ADGRG6: variants seen among roughly 807,000 people sequenced by gnomAD.
ADGRG6 encodes G-protein coupled receptor 126.
A neutral mutation model predicts 142.4 loss-of-function variants in ADGRG6; 84 were observed. The observed-to-expected ratio is 0.59, with a 90% confidence interval of 0.49 to 0.71. ADGRG6 has a LOEUF of 0.71. Among genes scored for constraint, ADGRG6 ranks in the 30% least tolerant of loss-of-function variants. The pLI, the probability that ADGRG6 is intolerant of heterozygous loss-of-function variation, is 0.00. For missense variants in ADGRG6, 1,367 were observed against 1,466.6 expected (o/e 0.93, Z 1.11); for synonymous variants, 521 against 520.5 (o/e 1.00, Z -0.01).
intron 24 of ADGRG6, among the ~76,000 whole-genome samples, chr6:142,442,671 A>C (rs1447306895): frequency 6.6e-6 from 1 of 152,104 alleles, no homozygotes; most frequent in Non-Finnish European, 1.5e-5. Context: ...ACAATTAAAA[A>C]AATAATTCAC....
At chr6:142,425,691 A>G (rs1404963086) in intron 22 of ADGRG6, among the ~76,000 whole-genome samples, 3 of 152,162 alleles carry the variant, frequency 2.0e-5, no homozygotes, top group African/African-American at 4.8e-5. Context: ...CTGCTGTGGC[A>G]TCAGGGCATG....
At chr6:142,309,044 T>C (rs146475789) in intron 1 of ADGRG6, among the ~76,000 whole-genome samples, 1,561 of 151,922 alleles carry the variant, frequency 0.01, 34 homozygotes, top group African/African-American at 0.035. Context: ...TGTATCACTT[T>C]AGGGGATAGA....
chr6:142,349,679 A>G (rs1583020422), intron 2 of ADGRG6, among the ~76,000 whole-genome samples: 1 of 152,212 alleles, frequency 6.6e-6, no homozygotes, highest in African/African-American at 2.4e-5. Context: ...GCTATTGCAT[A>G]AGTCACTCTA....
At chr6:142,308,719 G>A (rs1290733447) in intron 1 of ADGRG6, among the ~76,000 whole-genome samples, 1 of 150,692 alleles carries the variant, frequency 6.6e-6, no homozygotes, top group Non-Finnish European at 1.5e-5. Flanking sequence ...CCTTTTTGAT[G>A]ACTGATTTTT....
At chr6:142,378,644 T>C (rs1012164371) in intron 4 of ADGRG6, among the ~76,000 whole-genome samples, 1 of 152,164 alleles carries the variant, frequency 6.6e-6, no homozygotes, top group Non-Finnish European at 1.5e-5. Context: ...TCTTTAAAAC[T>C]CCCCCTTCCT....
At chr6:142,347,892 A>G (rs1014641026) in intron 2 of ADGRG6, among the ~76,000 whole-genome samples, 1 of 152,074 alleles carries the variant, frequency 6.6e-6, no homozygotes, top group Non-Finnish European at 1.5e-5. Flanking sequence ...TATTCTTTTG[A>G]TTTCTATGTT....
chr6:142,431,151 T>C (rs934497758), intron 22 of ADGRG6, among the ~76,000 whole-genome samples: 2 of 151,936 alleles, frequency 1.3e-5, no homozygotes, highest in African/African-American at 4.8e-5. Flanking sequence ...GGAAGTGAAA[T>C]GAAGGCAGGA....
At chr6:142,307,136 T>A (rs1445714182) in intron 1 of ADGRG6, among the ~76,000 whole-genome samples, 3 of 152,178 alleles carry the variant, frequency 2.0e-5, no homozygotes, top group African/African-American at 7.2e-5. Flanking sequence ...GCCAAACTAA[T>A]GAGCAGGAAT....
In ADGRG6 at chr6:142,445,772, A is replaced by G. The variant is rs1271346266; in HGVS notation, c.*2257A>G. 2 of 152,150 alleles carry G rather than the reference A, an allele frequency of 1.3e-5. No individual in the cohort carries two copies. The highest frequency in any genetic ancestry group is 2.9e-5 in the Non-Finnish European group (2 of 68,016). 9.4% of individuals were successfully genotyped at this position (152,150 alleles called of 1,614,324 possible). On this transcript the variant is annotated 3_prime_UTR_variant, in exon 25 of 25. Coordinates refer to ENST00000367609, the MANE Select transcript of ADGRG6 (RefSeq NM_198569.3). ...ACAGAGGTCAGGAATTTAGCTGGGG[A>G]GCCTAAATTTAGTTCAGCTTACCTT...
intron 9 of ADGRG6, among the ~76,000 whole-genome samples, chr6:142,395,776 T>A (rs1775156052): frequency 1.3e-5 from 2 of 152,184 alleles, no homozygotes; most frequent in South Asian, 4.1e-4. Context: ...TGGTGAGGCT[T>A]TATAGTCTCA....
intron 2 of ADGRG6, among the ~76,000 whole-genome samples, chr6:142,343,861 T>C (rs1186093063): frequency 1.3e-5 from 2 of 151,920 alleles, no homozygotes; most frequent in African/African-American, 4.8e-5. Context: ...CATTCCTCAA[T>C]TTGTATTCTC....
chr6:142,408,102 TA>T, intron 15 of ADGRG6, 47 bp from the exon 16 acceptor site: 2 of 1,439,482 alleles, frequency 1.4e-6, no homozygotes, highest in African/African-American at 1.4e-5. Flanking sequence ...CAAAGTAAAA[TA>T]AAAGTGTACT....
At chr6:142,338,008 TGTATCTTTG>T (rs1478098528) in intron 2 of ADGRG6, among the ~76,000 whole-genome samples, 4,570 of 99,682 alleles carry the variant, frequency 0.046, 279 homozygotes, top group African/African-American at 0.13. Flanking sequence ...TTTTATGCCT[TGTATCTTTG>T]TTTTTTTTTT....
At chr6:142,310,503 C>T (rs62429017) in intron 2 of ADGRG6, among the ~76,000 whole-genome samples, 386 of 151,496 alleles carry the variant, frequency 2.5e-3, no homozygotes, top group South Asian at 0.022. Context: ...GGAATTTAAT[C>T]AAGATTTATT....
intron 11 of ADGRG6, among the ~76,000 whole-genome samples, chr6:142,401,155 A>G (rs1364193203): frequency 6.6e-6 from 1 of 152,172 alleles, no homozygotes; most frequent in Non-Finnish European, 1.5e-5. Context: ...TTCCTGGGGG[A>G]AATTCAGAAA....
rs182651892 is a variant in ADGRG6 at position 142,383,810 on chromosome 6, C to A, written c.1189C>A (p.Pro397Thr). 41 of 1,572,592 alleles carry A rather than the reference C, an allele frequency of 2.6e-5. No homozygotes were observed. In the African/African-American group the frequency reaches 4.6e-4, roughly 18 times the overall value. ...ACCACCCACTGTCACCACTAACATG[C>A]CTGTTACTAACAGAATCGATAAACA... The part of the protein sequence containing the change: ...TTPPTVTTNM[P>T]VTNRIDKQRN... The change falls in exon 6 of 25, where the codon CCT (proline) becomes ACT (threonine). Residue 397 changes from proline (P) to threonine (T), a missense_variant. By Grantham distance (38) the Pro-to-Thr change is conservative. This residue lies in a region of ADGRG6 where 737 missense variants were observed against 746.5 expected (regional missense o/e 0.99). Coordinates refer to ENST00000367609, the MANE Select transcript of ADGRG6 (RefSeq NM_198569.3).
At chr6:142,404,305 G>A (rs2115026033) in intron 14 of ADGRG6, 1 of 263,590 alleles carries the variant, frequency 3.8e-6, no homozygotes, top group East Asian at 1.3e-4. Context: ...AAGAAGCATG[G>A]TGCATTCTCT....
intron 2 of ADGRG6, among the ~76,000 whole-genome samples, chr6:142,313,268 T>G (rs988410797): frequency 2.0e-5 from 3 of 152,120 alleles, no homozygotes; most frequent in Non-Finnish European, 2.9e-5. Flanking sequence ...CTCTGGCTCT[T>G]TCTTCACTTA....
At position 142,411,289 on chromosome 6, in the gene ADGRG6, T is replaced by C. The variant is rs1234595489; in HGVS notation, c.2435-16T>C. The C allele has an allele frequency of 7.1e-7, 1 of 1,408,332 alleles. No individual in the cohort carries two copies. The highest frequency in any genetic ancestry group is 1.0e-6 in the Non-Finnish European group (1 of 992,592). The allele number at this position is 1,408,332 out of a possible 1,614,324, so 87.2% of individuals were successfully genotyped here. A position where few individuals can be genotyped will look rare whatever the true frequency, so the allele number is the denominator to read the frequency against. ...TGACCTGCTGTTTTCACACTGTTTG[T>C]TGATTCCTTCAACAGAAAGTTTTGG... On this transcript the variant is annotated splice_polypyrimidine_tract_variant and intron_variant, in intron 17 of 24. Coordinates refer to ENST00000367609, the MANE Select transcript of ADGRG6 (RefSeq NM_198569.3).
Sources: gnomAD v4.1 joint callset for allele counts (sites outside exome capture counted in the v4.1 genomes callset) on GRCh38, gnomAD v4.1.1 for gene constraint, gnomAD v4.1.1 regional missense constraint, MANE v1.5 for transcripts, NCBI Gene and HGNC (gene_info 2026-07-23, HGNC 2026-07-21) for gene names.